Variants in CLMP observed in about 807,000 individuals in gnomAD.
The protein encoded by CLMP is CXADR-like membrane protein.
A neutral mutation model predicts 45.2 loss-of-function variants in CLMP; 27 were observed. The observed-to-expected ratio is 0.60, with a 90% confidence interval of 0.44 to 0.82. The LOEUF is 0.82. Among genes scored for constraint, CLMP ranks in the 40% least tolerant of loss-of-function variants. CLMP has a pLI of 0.00. For synonymous variants in CLMP, 167 were observed against 171.4 expected (o/e 0.97, Z 0.20); for missense variants, 403 against 448.4 (o/e 0.90, Z 0.91).
At chr11:123,176,345 A>G (rs566765870) in intron 1 of CLMP, among the ~76,000 whole-genome samples, 1 of 152,336 alleles carries the variant, frequency 6.6e-6, no homozygotes, top group African/African-American at 2.4e-5. Flanking sequence ...AGAAACACTC[A>G]TTTAGGCATG....
chr11:123,154,906 A>G (rs79654275), intron 1 of CLMP, among the ~76,000 whole-genome samples: 9,882 of 152,276 alleles, frequency 0.065, 368 homozygotes, highest in African/African-American at 0.087. Flanking sequence ...ACTATTTCAA[A>G]ATATGGGGCT....
At chr11:123,095,798 T>C (rs549113635) in intron 2 of CLMP, among the ~76,000 whole-genome samples, 2 of 152,216 alleles carry the variant, frequency 1.3e-5, no homozygotes, top group East Asian at 1.9e-4. Context: ...CAGGATAGGG[T>C]AATAAGATAC....
At chr11:123,135,348 G>A (rs1286568879) in intron 1 of CLMP, among the ~76,000 whole-genome samples, 3 of 151,980 alleles carry the variant, frequency 2.0e-5, no homozygotes, top group African/African-American at 7.2e-5. Flanking sequence ...TGGGGGGAGG[G>A]GACCCTGATT....
intron 1 of CLMP, among the ~76,000 whole-genome samples, chr11:123,189,295 T>C (rs1861875271): frequency 6.6e-6 from 1 of 152,214 alleles, no homozygotes; most frequent in Non-Finnish European, 1.5e-5. Flanking sequence ...ATGTGTCTCC[T>C]GGTAAGTGGA....
At chr11:123,074,610 A>T in intron 6 of CLMP, 92 bp downstream of exon 6, 2 of 1,298,864 alleles carry the variant, frequency 1.5e-6, no homozygotes, top group Non-Finnish European at 2.2e-6. Flanking sequence ...ATTCATGGTT[A>T]AGAGAAAACT....
intron 1 of CLMP, among the ~76,000 whole-genome samples, chr11:123,123,772 A>G (rs1336078569): frequency 2.6e-5 from 4 of 152,210 alleles, no homozygotes; most frequent in Non-Finnish European, 5.9e-5. Context: ...TGTAGCATCC[A>G]GTGTAGTTGT....
chr11:123,081,976 T>G (rs1009795280), intron 5 of CLMP, among the ~76,000 whole-genome samples: 3 of 152,252 alleles, frequency 2.0e-5, no homozygotes, highest in Non-Finnish European at 4.4e-5. Context: ...TAGCTGTGAT[T>G]GAAATCCAGG....
At chr11:123,150,477 A>AAGAAAGAAAGAAAGAAAG (rs1565397417) in intron 1 of CLMP, among the ~76,000 whole-genome samples, 1 of 105,622 alleles carries the variant, frequency 9.5e-6, no homozygotes, top group Admixed American at 9.5e-5. Context: ...GAAAGAAAGA[A>AAGAAAGAAAGAAAGAAAG]AGAAAGGAAG....
chr11:123,167,616 C>G (rs894093011), intron 1 of CLMP, among the ~76,000 whole-genome samples: 1 of 152,158 alleles, frequency 6.6e-6, no homozygotes, highest in African/African-American at 2.4e-5. Flanking sequence ...TGAAGCTTGG[C>G]CAGTTTGGCT....
At chr11:123,185,332 T>C (rs954592948) in intron 1 of CLMP, among the ~76,000 whole-genome samples, 1 of 152,120 alleles carries the variant, frequency 6.6e-6, no homozygotes, top group Non-Finnish European at 1.5e-5. Flanking sequence ...CTTTGTTCTC[T>C]GTCTGTCTGT....
intron 2 of CLMP, among the ~76,000 whole-genome samples, chr11:123,085,972 T>C (rs1187088346): frequency 6.6e-6 from 1 of 152,022 alleles, no homozygotes; most frequent in Non-Finnish European, 1.5e-5. Flanking sequence ...AGCTGGGGTT[T>C]CTCCATGTTG....
chr11:123,183,366 G>T (rs568888419), intron 1 of CLMP, among the ~76,000 whole-genome samples: 1 of 152,062 alleles, frequency 6.6e-6, no homozygotes, highest in Admixed American at 6.6e-5. Flanking sequence ...GAGTAGCTGG[G>T]ATTACAGGCA....
intron 1 of CLMP, among the ~76,000 whole-genome samples, chr11:123,118,744 C>G (rs1352994494): frequency 6.6e-6 from 1 of 152,072 alleles, no homozygotes; most frequent in African/African-American, 2.4e-5. Flanking sequence ...ATTTGTAATG[C>G]CAAGTCATTT....
chr11:123,079,341 A>AT (rs1216937780), intron 5 of CLMP, among the ~76,000 whole-genome samples: 54 of 151,692 alleles, frequency 3.6e-4, no homozygotes, highest in South Asian at 8.3e-4. Flanking sequence ...TAAAAGGGTG[A>AT]TTTTTTTTTC....
chr11:123,131,894 G>C (rs1402349068), intron 1 of CLMP, among the ~76,000 whole-genome samples: 2 of 152,152 alleles, frequency 1.3e-5, no homozygotes, highest in African/African-American at 4.8e-5. Flanking sequence ...GGGATTACAG[G>C]CGTGAGCCAC....
At chr11:123,113,051 G>T (rs1463150717) in intron 1 of CLMP, among the ~76,000 whole-genome samples, 1 of 152,216 alleles carries the variant, frequency 6.6e-6, no homozygotes, top group Non-Finnish European at 1.5e-5. Context: ...GGGATTACAG[G>T]CGTGAGCCAC....
intron 1 of CLMP, among the ~76,000 whole-genome samples, chr11:123,146,360 A>C (rs974973365): frequency 2.0e-5 from 3 of 152,160 alleles, no homozygotes; most frequent in African/African-American, 7.2e-5. Context: ...TACCCATGCA[A>C]AGTGTCTAGT....
intron 2 of CLMP, among the ~76,000 whole-genome samples, chr11:123,090,694 A>C (rs1865921187): frequency 6.6e-6 from 1 of 152,144 alleles, no homozygotes; most frequent in South Asian, 2.1e-4. Flanking sequence ...AGGTTTTAAA[A>C]ATTGTTCAGC....
At chr11:123,112,847 C>A (rs1053302266) in intron 1 of CLMP, among the ~76,000 whole-genome samples, 1 of 147,240 alleles carries the variant, frequency 6.8e-6, no homozygotes, top group African/African-American at 2.5e-5. Flanking sequence ...AATCTTGGCT[C>A]ACTGCAAGCT....
Sources: gnomAD v4.1 joint callset for allele counts (sites outside exome capture counted in the v4.1 genomes callset) on GRCh38, gnomAD v4.1.1 for gene constraint, MANE v1.5 for transcripts, NCBI Gene and HGNC (gene_info 2026-07-23, HGNC 2026-07-21) for gene names.